TACR3: variants seen among roughly 807,000 people sequenced by gnomAD.
TACR3 encodes tachykinin receptor 3.
In TACR3, 34 loss-of-function variants were observed where a neutral mutation model predicts 35.0. The ratio of observed to expected loss-of-function variants is 0.97; its 90% CI spans 0.74 to 1.30. The LOEUF (loss-of-function observed/expected upper bound fraction) is 1.30, where lower values mean the gene tolerates loss of function less well. TACR3 is among the 50% of genes most tolerant of loss of function. TACR3 has a pLI of 0.00. For synonymous variants in TACR3, 233 were observed against 221.1 expected (o/e 1.05, Z -0.48); for missense variants, 558 against 591.7 (o/e 0.94, Z 0.59).
At chr4:103,638,576 CA>C (rs1243593322) in intron 3 of TACR3, among the ~76,000 whole-genome samples, 1 of 152,038 alleles carries the variant, frequency 6.6e-6, no homozygotes, top group Non-Finnish European at 1.5e-5. Flanking sequence ...CAACAAAACC[CA>C]AAATTGACAA....
chr4:103,688,231 C>T (rs10017280), intron 1 of TACR3, among the ~76,000 whole-genome samples: 51,539 of 151,752 alleles, frequency 0.34, 13,785 homozygotes, highest in African/African-American at 0.74. Flanking sequence ...TCCTTACACC[C>T]TATACAACAA....
chr4:103,628,733 G>T (rs1399542579), intron 3 of TACR3, among the ~76,000 whole-genome samples: 1 of 152,142 alleles, frequency 6.6e-6, no homozygotes, highest in African/African-American at 2.4e-5. Context: ...GGAGGAGCTG[G>T]TACCATTCCT....
intron 3 of TACR3, among the ~76,000 whole-genome samples, chr4:103,637,102 T>A (rs1578237328): frequency 6.6e-6 from 1 of 152,112 alleles, no homozygotes; most frequent in South Asian, 2.1e-4. Context: ...TCCAGCATCA[T>A]CCTGATACCA....
chr4:103,641,515 A>C (rs1253362889), intron 3 of TACR3, among the ~76,000 whole-genome samples: 2 of 151,974 alleles, frequency 1.3e-5, no homozygotes, highest in Non-Finnish European at 2.9e-5. Flanking sequence ...TTCCTTGTAC[A>C]CTGTTGTTGG....
intron 1 of TACR3, among the ~76,000 whole-genome samples, chr4:103,718,635 TA>T (rs775389633): frequency 9.9e-5 from 15 of 152,048 alleles, no homozygotes; most frequent in Non-Finnish European, 1.8e-4. Context: ...GGGGCAAGAC[TA>T]GGGAATAGGG....
At chr4:103,696,774 A>G (rs1265033722) in intron 1 of TACR3, among the ~76,000 whole-genome samples, 4 of 152,166 alleles carry the variant, frequency 2.6e-5, no homozygotes, top group African/African-American at 7.2e-5. Context: ...AAAAGTATCA[A>G]CATTCCCTCC....
chr4:103,597,680 C>T, intron 3 of TACR3, among the ~76,000 whole-genome samples: 1 of 151,766 alleles, frequency 6.6e-6, no homozygotes. Context: ...GTTCAATTCC[C>T]ACCTGTGAGT....
chr4:103,627,045 G>C (rs894934894), intron 3 of TACR3, among the ~76,000 whole-genome samples: 3 of 151,020 alleles, frequency 2.0e-5, no homozygotes, highest in Non-Finnish European at 4.4e-5. Flanking sequence ...AGCTGGGCGT[G>C]GTGGCAGGCA....
intron 3 of TACR3, among the ~76,000 whole-genome samples, chr4:103,636,959 C>A (rs1259836513): frequency 6.6e-6 from 1 of 151,790 alleles, no homozygotes. Flanking sequence ...GCTTACCAAC[C>A]AAAAAAAGTC....
At chr4:103,694,489 GT>G (rs1204841494) in intron 1 of TACR3, among the ~76,000 whole-genome samples, 1 of 152,034 alleles carries the variant, frequency 6.6e-6, no homozygotes, top group Admixed American at 6.6e-5. Flanking sequence ...CATGCTTCCC[GT>G]ACCAAGTTCC....
At chr4:103,633,665 G>A (rs1469177621) in intron 3 of TACR3, among the ~76,000 whole-genome samples, 2 of 151,992 alleles carry the variant, frequency 1.3e-5, no homozygotes, top group Non-Finnish European at 2.9e-5. Context: ...AAAATGTTTG[G>A]TTTTCCATTC....
chr4:103,675,773 C>G (rs1726157785), intron 1 of TACR3, among the ~76,000 whole-genome samples: 1 of 152,032 alleles, frequency 6.6e-6, no homozygotes, highest in South Asian at 2.1e-4. Flanking sequence ...CTCCATGTGT[C>G]TCCCATTAGG....
At chr4:103,619,014 C>T (rs565971930) in intron 3 of TACR3, among the ~76,000 whole-genome samples, 49 of 152,222 alleles carry the variant, frequency 3.2e-4, no homozygotes, top group African/African-American at 9.6e-4. Flanking sequence ...GGATATTTCA[C>T]GTAGAGAATA....
chr4:103,600,843 G>A (rs1006772092), intron 3 of TACR3, among the ~76,000 whole-genome samples: 3 of 152,080 alleles, frequency 2.0e-5, no homozygotes, highest in Non-Finnish European at 4.4e-5. Flanking sequence ...TATAATTTCT[G>A]TTCTTTTACA....
chr4:103,683,856 G>GAC (rs1483953468), intron 1 of TACR3, among the ~76,000 whole-genome samples: 2 of 151,888 alleles, frequency 1.3e-5, no homozygotes, highest in African/African-American at 4.8e-5. Context: ...GAGAGAGAGA[G>GAC]AGAAATGAGG....
At chr4:103,675,470 T>C (rs1726148189) in intron 1 of TACR3, among the ~76,000 whole-genome samples, 1 of 152,064 alleles carries the variant, frequency 6.6e-6, no homozygotes, top group Admixed American at 6.6e-5. Flanking sequence ...ATGTGCAAAC[T>C]GAAGAGAGTT....
At chr4:103,629,370 T>C (rs1200939714) in intron 3 of TACR3, among the ~76,000 whole-genome samples, 1 of 152,134 alleles carries the variant, frequency 6.6e-6, no homozygotes, top group Non-Finnish European at 1.5e-5. Context: ...TCAGATGACA[T>C]GATTGTATAT....
At chr4:103,610,476 C>A (rs371048754) in intron 3 of TACR3, among the ~76,000 whole-genome samples, 3 of 151,692 alleles carry the variant, frequency 2.0e-5, no homozygotes, top group East Asian at 1.9e-4. Context: ...TTTATTATTA[C>A]TATTATTTTT....
chr4:103,691,342 A>T (rs754962385), intron 1 of TACR3, among the ~76,000 whole-genome samples: 21 of 152,226 alleles, frequency 1.4e-4, no homozygotes, highest in Non-Finnish European at 1.0e-4. Flanking sequence ...AGTAGTAGCC[A>T]GTCTTAAAGG....
Sources: allele counts gnomAD v4.1 joint callset (sites outside exome capture counted in the v4.1 genomes callset), GRCh38; gene constraint gnomAD v4.1.1; transcripts MANE v1.5; gene names NCBI Gene and HGNC (gene_info 2026-07-23, HGNC 2026-07-21).